The following SEMA5A variants were observed in gnomAD, a reference collection of about 807,000 sequenced individuals.
SEMA5A encodes the protein semaphorin-5A.
SEMA5A carries 55 observed loss-of-function variants against 135.5 expected under a neutral mutation model. That is an observed-to-expected ratio of 0.41 (90% CI 0.33 to 0.51). SEMA5A has a LOEUF of 0.51. SEMA5A is among the 20% of genes least tolerant of loss of function. The pLI, the probability that SEMA5A is intolerant of heterozygous loss-of-function variation, is 0.37. For synonymous variants in SEMA5A, 580 were observed against 546.5 expected (o/e 1.06, Z -0.85); for missense variants, 1,290 against 1,419.9 (o/e 0.91, Z 1.47).
intron 11 of SEMA5A, among the ~76,000 whole-genome samples, chr5:9,178,621 G>A (rs1744338968): frequency 6.6e-6 from 1 of 152,164 alleles, no homozygotes; most frequent in African/African-American, 2.4e-5. Flanking sequence ...GAGCCACCGC[G>A]CCCAGCCAGA....
chr5:9,187,764 T>A (rs1268758350), intron 11 of SEMA5A, among the ~76,000 whole-genome samples: 1 of 152,156 alleles, frequency 6.6e-6, no homozygotes, highest in Non-Finnish European at 1.5e-5. Flanking sequence ...CTCTGCGAAA[T>A]GCATTTGCCA....
intron 12 of SEMA5A, among the ~76,000 whole-genome samples, chr5:9,140,518 G>T (rs1011007089): frequency 6.6e-6 from 1 of 152,152 alleles, no homozygotes; most frequent in East Asian, 1.9e-4. Flanking sequence ...AGACAGACCC[G>T]GGTGGGGTGA....
chr5:9,169,087 T>C (rs908559537), intron 11 of SEMA5A, among the ~76,000 whole-genome samples: 2 of 152,136 alleles, frequency 1.3e-5, no homozygotes, highest in East Asian at 1.9e-4. Flanking sequence ...ACGGAGACTA[T>C]AGCTAACAAT....
intron 4 of SEMA5A, among the ~76,000 whole-genome samples, chr5:9,321,808 C>T (rs1375998637): frequency 1.3e-5 from 2 of 152,116 alleles, no homozygotes; most frequent in Non-Finnish European, 2.9e-5. Flanking sequence ...TACCTAAGAG[C>T]TTTGGTGATA....
chr5:9,045,347 G>A (rs921145427), intron 21 of SEMA5A, among the ~76,000 whole-genome samples: 1 of 152,122 alleles, frequency 6.6e-6, no homozygotes, highest in African/African-American at 2.4e-5. Flanking sequence ...CTAATCTACT[G>A]CTCGCCTGCA....
intron 1 of SEMA5A, among the ~76,000 whole-genome samples, chr5:9,519,451 A>T (rs1736696944): frequency 6.6e-6 from 1 of 152,212 alleles, no homozygotes; most frequent in Non-Finnish European, 1.5e-5. Flanking sequence ...TCTTTTTATC[A>T]CCAAAATGCA....
Position 9,204,163 on chromosome 5 carries a change from A to G in SEMA5A, c.647-1923T>C, listed in dbSNP as rs1165663797. ...AATGGGTCCTGCACCCTGGCTAAAC[A>G]AAACTAGAGTTTGGGAATTGTACTA... is the stretch of plus-strand genomic sequence containing the variant. On this transcript the variant is annotated intron_variant, in intron 8 of 22. Transcript: ENST00000382496. This position sits in a 1 kb window ranked among gnomAD's most constrained non-coding sequence, Gnocchi z 6.4. 6.6e-6 allele frequency among the ~76,000 whole-genome samples: 1 copy of G among 152,196 alleles called. No homozygotes were observed. Among genetic ancestry groups the G allele is most frequent in the African/African-American group, 2.4e-5 (1 of 41,446 alleles).
At chr5:9,206,360 A>C in intron 8 of SEMA5A, among the ~76,000 whole-genome samples, 1 of 152,346 alleles carries the variant, frequency 6.6e-6, no homozygotes, top group South Asian at 2.1e-4. Flanking sequence ...TCTTCATGAT[A>C]TAAGAACTTT....
At chr5:9,507,697 T>G (rs1735969037) in intron 1 of SEMA5A, among the ~76,000 whole-genome samples, 1 of 152,080 alleles carries the variant, frequency 6.6e-6, no homozygotes, top group Non-Finnish European at 1.5e-5. Flanking sequence ...GGAAGGCTGC[T>G]TTTCTAGCAT....
intron 16 of SEMA5A, among the ~76,000 whole-genome samples, chr5:9,078,484 C>A (rs1227350369): frequency 1.3e-5 from 2 of 150,818 alleles, no homozygotes; most frequent in Admixed American, 1.3e-4. Flanking sequence ...TTTGCCTTTA[C>A]AATAATGCAT....
At chr5:9,411,405 A>G (rs1579498392) in intron 2 of SEMA5A, among the ~76,000 whole-genome samples, 1 of 152,246 alleles carries the variant, frequency 6.6e-6, no homozygotes. Flanking sequence ...AGCAACGTGC[A>G]TGCTGCCTGA....
intron 1 of SEMA5A, among the ~76,000 whole-genome samples, chr5:9,499,095 C>T (rs1735454427): frequency 3.3e-5 from 5 of 152,150 alleles, no homozygotes; most frequent in Admixed American, 3.3e-4. Context: ...GAGAAGGAGG[C>T]TTGTGCTTTT....
chr5:9,239,938 C>G (rs1445104767), intron 5 of SEMA5A, among the ~76,000 whole-genome samples: 2 of 152,024 alleles, frequency 1.3e-5, no homozygotes, highest in Non-Finnish European at 1.5e-5. Flanking sequence ...CAAATGCCAT[C>G]AAAATTGTTC....
chr5:9,062,965 G>A lies in SEMA5A; in HGVS notation c.2440C>T (p.Pro814Ser). The A allele has an allele frequency of 3.1e-6, 5 of 1,614,224 alleles. No homozygotes were observed. The highest frequency in any genetic ancestry group is 4.2e-6 in the Non-Finnish European group (5 of 1,180,040). ...GGCATTCCCCCATACTTGGGTTCGG[G>A]GTTGTTGCAAACACGCTTCCGGTTC... ...IRNRKRVCNN[P>S]EPKYGGMPCL... Residue 814 changes from proline (P) to serine (S), a missense_variant, in exon 18 of 23, where the codon CCC becomes TCC. This residue lies in a region of SEMA5A where 1,029 missense variants were observed against 1,086.6 expected (regional missense o/e 0.95). Coordinates refer to ENST00000382496, the MANE Select transcript of SEMA5A (RefSeq NM_003966.3).
intron 5 of SEMA5A, among the ~76,000 whole-genome samples, chr5:9,307,797 C>T (rs937020097): frequency 6.6e-6 from 1 of 152,112 alleles, no homozygotes; most frequent in Non-Finnish European, 1.5e-5. Context: ...ATGAAATGAA[C>T]TCCTCCATTT....
chr5:9,370,964 A>C (rs770977942), intron 3 of SEMA5A, among the ~76,000 whole-genome samples: 1 of 152,242 alleles, frequency 6.6e-6, no homozygotes, highest in Non-Finnish European at 1.5e-5. Context: ...AAAGATTATA[A>C]TATACTTAAA....
At chr5:9,207,095 ATC>A (rs1211596627) in intron 8 of SEMA5A, among the ~76,000 whole-genome samples, 106 of 41,198 alleles carry the variant, frequency 2.6e-3, no homozygotes, top group Non-Finnish European at 4.2e-3. Flanking sequence ...ATAATGAATG[ATC>A]AAGTGTATAT....
chr5:9,092,844 A>G (rs922742960), intron 16 of SEMA5A, among the ~76,000 whole-genome samples: 4 of 152,218 alleles, frequency 2.6e-5, no homozygotes, highest in African/African-American at 9.6e-5. Context: ...TTACCTTTTT[A>G]AAAAATCACA....
chr5:9,229,600 T>C (rs1747505995), intron 6 of SEMA5A, among the ~76,000 whole-genome samples: 1 of 152,128 alleles, frequency 6.6e-6, no homozygotes, highest in Non-Finnish European at 1.5e-5. Context: ...GACATATTAA[T>C]GACACCATCA....
Sources: gnomAD v4.1 joint callset for allele counts (sites outside exome capture counted in the v4.1 genomes callset) on GRCh38, gnomAD v4.1.1 for gene constraint, gnomAD v4.1.1 regional missense constraint, Gnocchi (gnomAD v3.1) non-coding constraint, MANE v1.5 for transcripts, NCBI Gene and HGNC (gene_info 2026-07-23, HGNC 2026-07-21) for gene names.